Variants in ADAP2 observed in about 807,000 individuals in gnomAD.
ADAP2 encodes the protein ArfGAP with dual PH domains 2.
In ADAP2, 42 loss-of-function variants were observed where a neutral mutation model predicts 54.9. The ratio of observed to expected loss-of-function variants is 0.77; its 90% CI spans 0.60 to 0.99. The LOEUF (loss-of-function observed/expected upper bound fraction) is 0.99. Among genes scored for constraint, ADAP2 ranks in the 50% least tolerant of loss-of-function variants. The pLI, the probability that ADAP2 is intolerant of heterozygous loss-of-function variation, is 0.00. For synonymous variants in ADAP2, 177 were observed against 180.1 expected, an observed-to-expected ratio of 0.98 and a Z score of 0.14; for missense variants, 429 against 480.4, an observed-to-expected ratio of 0.89 and a Z score of 1.00.
At chr17:30,940,150 A>G (rs1295903283) in intron 5 of ADAP2, among the ~76,000 whole-genome samples, 1 of 151,722 alleles carries the variant, frequency 6.6e-6, no homozygotes, top group Non-Finnish European at 1.5e-5. Context: ...TTTGGCAACG[A>G]CAGGATTTCA....
Position 30,953,297 on chromosome 17 carries a change from T to C in ADAP2, c.751T>C (p.Phe251Leu), listed in dbSNP as rs1904817376. The change falls in exon 8 of 11, where the codon TTC becomes CTC. Residue 251 changes from phenylalanine to leucine, a missense_variant. Coordinates refer to ENST00000330889, the MANE Select transcript of ADAP2 (RefSeq NM_018404.3). ...TGTCTCTCTTCCCCAGCTCGTGCCA[T>C]TCCTCACCAGGAACTACCTCAAACA... is the stretch of plus-strand genomic sequence containing the variant. ...PELPESELVP[F>L]LTRNYLKQGF... 2 of 1,613,968 alleles carry C rather than the reference T, an allele frequency of 1.2e-6. No homozygotes were observed. Among genetic ancestry groups the C allele is most frequent in the South Asian group, 2.2e-5 (2 of 91,080 alleles).
chr17:30,945,848 T>TA (rs60763338), intron 6 of ADAP2, among the ~76,000 whole-genome samples: 16,770 of 117,886 alleles, frequency 0.14, 3,288 homozygotes, highest in African/African-American at 0.45. Context: ...GAAACTGCAT[T>TA]AAAAAAAAAA....
chr17:30,944,251 A>G (rs1046605990), intron 5 of ADAP2, among the ~76,000 whole-genome samples: 1 of 152,192 alleles, frequency 6.6e-6, no homozygotes, highest in Non-Finnish European at 1.5e-5. Flanking sequence ...TGATCTGGAG[A>G]ACATTATCTT....
At chr17:30,929,942 G>A (rs899478496) in intron 3 of ADAP2, among the ~76,000 whole-genome samples, 1 of 151,966 alleles carries the variant, frequency 6.6e-6, no homozygotes, top group African/African-American at 2.4e-5. Flanking sequence ...AAACTCCTGA[G>A]CTGAGCTCAA....
chr17:30,939,986 G>A (rs550440960), intron 5 of ADAP2, among the ~76,000 whole-genome samples: 1 of 152,144 alleles, frequency 6.6e-6, no homozygotes, highest in South Asian at 2.1e-4. Context: ...TTCTGAGACA[G>A]GGTCTTGCTC....
intron 7 of ADAP2, among the ~76,000 whole-genome samples, chr17:30,950,337 A>G (rs554706661): frequency 5.3e-4 from 81 of 152,100 alleles, no homozygotes; most frequent in Non-Finnish European, 9.4e-4. Context: ...GGAGACCCGC[A>G]TGGTGTAGGG....
chr17:30,954,572 C>A lies in ADAP2; in HGVS notation c.882+17C>A. The A allele has an allele frequency of 6.2e-7, 1 of 1,609,942 alleles. No individual in the cohort carries two copies. Among genetic ancestry groups the A allele is most frequent in the Non-Finnish European group, 8.5e-7 (1 of 1,176,266 alleles). Reference sequence around the variant, plus strand: ...AACCCACTGGTAAGAGCCACTCCTGCTCCCTCCCCAGGGCTTCCTCAAACA... The same window carrying A: ...AACCCACTGGTAAGAGCCACTCCTGATCCCTCCCCAGGGCTTCCTCAAACA... On this transcript the variant is annotated intron_variant, in intron 9 of 10. Coordinates refer to ENST00000330889, the MANE Select transcript of ADAP2 (RefSeq NM_018404.3).
At chr17:30,952,472 T>G (rs1904741110) in intron 7 of ADAP2, among the ~76,000 whole-genome samples, 1 of 152,140 alleles carries the variant, frequency 6.6e-6, no homozygotes, top group South Asian at 2.1e-4. Context: ...GCCTCCCAAG[T>G]TCAAGGGATT....
chr17:30,938,455 G>A (rs1490144943), intron 5 of ADAP2, among the ~76,000 whole-genome samples: 1 of 152,202 alleles, frequency 6.6e-6, no homozygotes, highest in Non-Finnish European at 1.5e-5. Flanking sequence ...CCTGATTCAA[G>A]GGGAGGGGAA....
intron 1 of ADAP2, among the ~76,000 whole-genome samples, chr17:30,922,337 G>A (rs1027283409): frequency 5.3e-5 from 8 of 149,726 alleles, no homozygotes; most frequent in African/African-American, 2.0e-4. Context: ...TGCTCCCCTC[G>A]CGGGACCAGA....
At chr17:30,943,271 A>G (rs1173090787) in intron 5 of ADAP2, among the ~76,000 whole-genome samples, 2 of 152,086 alleles carry the variant, frequency 1.3e-5, no homozygotes, top group Non-Finnish European at 2.9e-5. Context: ...AGGCTGAGGC[A>G]GAAGAATCGC....
intron 9 of ADAP2, among the ~76,000 whole-genome samples, chr17:30,954,959 G>A (rs1260791986): frequency 6.6e-6 from 1 of 152,096 alleles, no homozygotes; most frequent in Non-Finnish European, 1.5e-5. Flanking sequence ...TGTACTTAGT[G>A]CTCTGTGCCT....
chr17:30,927,989 C>T (rs939124624), intron 3 of ADAP2, among the ~76,000 whole-genome samples: 15 of 151,312 alleles, frequency 9.9e-5, no homozygotes, highest in African/African-American at 3.4e-4. Context: ...TGTCACTGCA[C>T]TCTAGTATGA....
intron 7 of ADAP2, among the ~76,000 whole-genome samples, chr17:30,950,156 C>G (rs1904518781): frequency 6.6e-6 from 1 of 152,162 alleles, no homozygotes; most frequent in South Asian, 2.1e-4. Flanking sequence ...TCTAAAATCC[C>G]CTCTTTGCCC....
intron 5 of ADAP2, among the ~76,000 whole-genome samples, chr17:30,938,603 T>C (rs6505219): frequency 6.6e-6 from 1 of 151,970 alleles, no homozygotes; most frequent in Non-Finnish European, 1.5e-5. Context: ...AGATAAGAAG[T>C]TTTCAGCAAA....
rs1178581879 is a variant in ADAP2, at chr17:30,923,087, G to GT, written c.225+18dup. ...ATTGTGGAGGTAGAAAGGCATGCCC[G>GT]TGGAGAGCCATGGAACTGCGGGACT... is the stretch of plus-strand genomic sequence containing the variant. On this transcript the variant is annotated intron_variant, in intron 2 of 10. Transcript: ENST00000330889. 1 of 1,612,574 alleles carries GT rather than the reference G, an allele frequency of 6.2e-7. No homozygotes were observed. Among genetic ancestry groups the GT allele is most frequent in the East Asian group, 2.2e-5 (1 of 44,866 alleles).
intron 6 of ADAP2, among the ~76,000 whole-genome samples, chr17:30,947,783 A>G (rs1286542662): frequency 6.6e-6 from 1 of 152,236 alleles, no homozygotes; most frequent in Non-Finnish European, 1.5e-5. Context: ...GACTTTCTCA[A>G]TCACCACATT....
chr17:30,925,253 G>A (rs1256819788), intron 2 of ADAP2, among the ~76,000 whole-genome samples: 3 of 143,112 alleles, frequency 2.1e-5, no homozygotes, highest in Non-Finnish European at 4.5e-5. Flanking sequence ...TGAGTGGCAC[G>A]ATCTCGGCTC....
intron 1 of ADAP2, 29 bp downstream of exon 1, chr17:30,922,137 A>G: frequency 8.2e-7 from 1 of 1,224,930 alleles, no homozygotes. Context: ...GGGCAGCGCG[A>G]GACCCCCGGC....
Sources: gnomAD v4.1 joint callset for allele counts (sites outside exome capture counted in the v4.1 genomes callset) on GRCh38, gnomAD v4.1.1 for gene constraint, MANE v1.5 for transcripts, NCBI Gene and HGNC (gene_info 2026-07-23, HGNC 2026-07-21) for gene names.